The following JAK2 variants were observed in gnomAD, a reference collection of about 807,000 sequenced individuals.
JAK2 encodes Janus kinase 2.
Under a neutral mutation model 139.3 loss-of-function variants are expected in JAK2, and 86 were observed. The observed-to-expected ratio is 0.62, with a 90% confidence interval of 0.52 to 0.74. The LOEUF (loss-of-function observed/expected upper bound fraction) is 0.74, where lower values mean the gene tolerates loss of function less well. Ranked by LOEUF, JAK2 falls within the 30% of genes least tolerant of loss-of-function variation. JAK2 has a pLI of 0.00. For missense variants in JAK2, 1,421 were observed against 1,360.3 expected, an observed-to-expected ratio of 1.04 and a Z score of -0.70; for synonymous variants, 490 against 437.7, an observed-to-expected ratio of 1.12 and a Z score of -1.49.
At chr9:5,123,718 A>T (rs561737480) in intron 23 of JAK2, among the ~76,000 whole-genome samples, 41 of 152,078 alleles carry the variant, frequency 2.7e-4, no homozygotes, top group African/African-American at 9.4e-4. Flanking sequence ...GTCTCTGAGA[A>T]ATCTTTATAA....
intron 8 of JAK2, among the ~76,000 whole-genome samples, chr9:5,060,603 C>G (rs1310186415): frequency 6.6e-6 from 1 of 152,214 alleles, no homozygotes; most frequent in Non-Finnish European, 1.5e-5. Context: ...ACATCTTCAG[C>G]TCTACTTCTA....
chr9:5,110,978 G>A, intron 22 of JAK2: 1 of 627,466 alleles, frequency 1.6e-6, no homozygotes, highest in Non-Finnish European at 2.9e-6. Flanking sequence ...CTGGACTTCA[G>A]CATGATGTTC....
rs186697891 is a variant in JAK2 at position 5,086,128 on chromosome 9, G to C, written c.2572-3546G>C. The stretch of plus-strand genomic sequence containing the variant: ...TGCGCGGGCATCGGCAGCGGCGCGC[G>C]GCCCCGGCGGCCCCGCAAGGCTCGG... On this transcript the variant is annotated intron_variant, in intron 19 of 24. Coordinates refer to ENST00000381652, the MANE Select transcript of JAK2 (RefSeq NM_004972.4). 3.0e-3 allele frequency: 1,139 copies of C among 380,068 alleles called. 41 individuals carry two copies. The East Asian group carries it at 0.065, about 22-fold the overall frequency. The allele number at this position is 380,068 out of a possible 1,614,324, so 23.5% of individuals were successfully genotyped here.
intron 2 of JAK2, among the ~76,000 whole-genome samples, chr9:5,011,756 T>C (rs988986824): frequency 1.3e-5 from 2 of 152,202 alleles, no homozygotes; most frequent in African/African-American, 2.4e-5. Flanking sequence ...TCTGAAGTAA[T>C]GAGTTTTGTT....
At chr9:5,061,503 T>G (rs1407683956) in intron 8 of JAK2, among the ~76,000 whole-genome samples, 1 of 152,254 alleles carries the variant, frequency 6.6e-6, no homozygotes, top group Non-Finnish European at 1.5e-5. Context: ...TTAAACCTCA[T>G]GAACCAACCT....
chr9:5,073,808 T>G, intron 14 of JAK2, 23 bp downstream of exon 14: 3 of 1,421,470 alleles, frequency 2.1e-6, no homozygotes, highest in Non-Finnish European at 3.0e-6. Context: ...ACAGGCTTTC[T>G]AATGCCTTTC....
chr9:5,065,523 A>G (rs893352891), intron 9 of JAK2, among the ~76,000 whole-genome samples: 1 of 152,236 alleles, frequency 6.6e-6, no homozygotes, highest in African/African-American at 2.4e-5. Flanking sequence ...GCTGTGTAAC[A>G]CAGCAGCCAC....
chr9:5,085,725 G>T, intron 19 of JAK2: 1 of 752,160 alleles, frequency 1.3e-6, no homozygotes, highest in Non-Finnish European at 2.5e-6. Flanking sequence ...GATCATTTCT[G>T]CAATTAAGGC....
chr9:5,073,876 TCAGTGTAAACTATAATTTAA>T lies in JAK2; in HGVS notation c.1864+95_1864+114del, dbSNP rs1819137173. 33 of 804,780 alleles carry T rather than the reference TCAGTGTAAACTATAATTTAA, an allele frequency of 4.1e-5. No individual in the cohort carries two copies. In the East Asian group the frequency reaches 8.1e-4, roughly 20 times the overall value. The allele number at this position is 804,780 out of a possible 1,614,324, so 49.9% of individuals were successfully genotyped here. A position where few individuals can be genotyped will look rare whatever the true frequency, so the allele number is the denominator to read the frequency against. ...TCAGTTTCAGGATCACAGCTAGGTG[TCAGTGTAAACTATAATTTAA>T]CAGGAGTTAAGTATTTTTGAAACTG... is the stretch of plus-strand genomic sequence containing the variant. On this transcript the variant is annotated intron_variant, in intron 14 of 24. Coordinates refer to ENST00000381652, the MANE Select transcript of JAK2 (RefSeq NM_004972.4).
rs193240835 is a variant in JAK2 at position 5,020,655 on chromosome 9, C to T, written c.-25-1308C>T. On this transcript the variant is annotated intron_variant, in intron 2 of 24. Transcript: ENST00000381652. ...TGCAAATTTGCATTTTGACACCTAG[C>T]GGCAGCAGCCTGCAATGGTGGCAGC... 3.1e-4 allele frequency among the ~76,000 whole-genome samples: 47 copies of T among 152,260 alleles called. No individual in the cohort carries two copies. In the East Asian group the frequency reaches 7.7e-3, roughly 25 times the overall value.
At chr9:5,062,001 A>C (rs1818210417) in intron 8 of JAK2, among the ~76,000 whole-genome samples, 1 of 152,218 alleles carries the variant, frequency 6.6e-6, no homozygotes. Context: ...TCGGTGGAGC[A>C]GTCAGAACAT....
intron 4 of JAK2, among the ~76,000 whole-genome samples, chr9:5,035,501 C>T (rs765925905): frequency 7.2e-5 from 11 of 152,112 alleles, no homozygotes; most frequent in South Asian, 4.1e-4. Context: ...ACTGGCAAAC[C>T]GAATCCAGCA....
intron 10 of JAK2, among the ~76,000 whole-genome samples, chr9:5,068,759 G>T (rs533143070): frequency 6.6e-6 from 1 of 152,172 alleles, no homozygotes; most frequent in African/African-American, 2.4e-5. Context: ...AACTATTAAG[G>T]ATGGTATTGT....
intron 4 of JAK2, among the ~76,000 whole-genome samples, chr9:5,035,851 A>G (rs1051051035): frequency 1.3e-5 from 2 of 152,188 alleles, no homozygotes; most frequent in Non-Finnish European, 2.9e-5. Context: ...CACCACTCCT[A>G]TTCAACATAG....
chr9:5,072,562 G>C lies in JAK2; in HGVS notation c.1712G>C (p.Gly571Ala). ...KGVRREVGDY[G>A]QLHETEVLLK... ...GTACGAAGAGAAGTAGGAGACTACG[G>C]TCAACTGCATGAAACAGAAGTTCTT... The change falls in exon 13 of 25, where the codon GGT becomes GCT. Residue 571 changes from glycine (G) to alanine (A), a missense_variant. Physicochemically the swap from Gly to Ala is moderately conservative, Grantham distance 60. Transcript: ENST00000381652. 1 of 1,611,128 alleles carries C rather than the reference G, an allele frequency of 6.2e-7. No individual in the cohort carries two copies. The highest frequency in any genetic ancestry group is 8.5e-7 in the Non-Finnish European group (1 of 1,178,018).
chr9:5,097,915 A>G (rs905695079), intron 22 of JAK2: 1 of 152,154 alleles, frequency 6.6e-6, no homozygotes, highest in Middle Eastern at 3.2e-3. Context: ...TTATATTCAT[A>G]GGTGTTAATT....
intron 22 of JAK2, chr9:5,108,859 C>T (rs1310346209): frequency 1.3e-5 from 2 of 152,136 alleles, no homozygotes; most frequent in Non-Finnish European, 2.9e-5. Flanking sequence ...GGTGCCGTCA[C>T]CCTTATAATT....
intron 2 of JAK2, among the ~76,000 whole-genome samples, chr9:5,001,625 AT>A (rs201169908): frequency 0.23 from 33,128 of 143,250 alleles, 3,726 homozygotes; most frequent in South Asian, 0.33. Flanking sequence ...TTTGCCTGTA[AT>A]TTTTTTTTTT....
At chr9:5,041,189 C>A in intron 4 of JAK2, 1 of 1,398,682 alleles carries the variant, frequency 7.1e-7, no homozygotes, top group South Asian at 1.2e-5. Context: ...CCTCATTTAC[C>A]AGGACGTGAA....
Sources: gnomAD v4.1 joint callset for allele counts (sites outside exome capture counted in the v4.1 genomes callset) on GRCh38, gnomAD v4.1.1 for gene constraint, MANE v1.5 for transcripts, NCBI Gene and HGNC (gene_info 2026-07-23, HGNC 2026-07-21) for gene names.